The following PRPF4 variants were observed in gnomAD, a reference collection of about 807,000 sequenced individuals.
PRPF4 encodes U4/U6 small nuclear ribonucleoprotein Prp4.
A neutral mutation model predicts 72.2 loss-of-function variants in PRPF4; 14 were observed. The observed-to-expected ratio is 0.19, with a 90% confidence interval of 0.13 to 0.30. The LOEUF (loss-of-function observed/expected upper bound fraction) is 0.30, where lower values mean the gene tolerates loss of function less well. Ranked by LOEUF, PRPF4 falls within the 10% of genes least tolerant of loss-of-function variation. The pLI is 1.00. For synonymous variants in PRPF4, 225 were observed against 232.2 expected, an observed-to-expected ratio of 0.97 and a Z score of 0.28; for missense variants, 478 against 653.9, an observed-to-expected ratio of 0.73 and a Z score of 2.93.
At chr9:113,291,374 TA>T in intron 13 of PRPF4, 92 bp from the exon 14 acceptor site, 1 of 1,336,096 alleles carries the variant, frequency 7.5e-7, no homozygotes, top group Non-Finnish European at 1.0e-6. Context: ...CAAGTTTTTT[TA>T]AAAATAGTAT....
At chr9:113,281,818 A>C (rs936624700) in intron 3 of PRPF4, among the ~76,000 whole-genome samples, 2 of 152,112 alleles carry the variant, frequency 1.3e-5, no homozygotes, top group African/African-American at 4.8e-5. Context: ...AAGCTTAGTT[A>C]GATGCCCGTT....
chr9:113,277,735 C>T (rs1454972641), intron 2 of PRPF4, among the ~76,000 whole-genome samples: 1 of 151,962 alleles, frequency 6.6e-6, no homozygotes, highest in African/African-American at 2.4e-5. Context: ...CCTGGTGGCT[C>T]ACACCTGTAA....
In PRPF4 at chr9:113,276,730, G is replaced by T; in HGVS notation, c.205+5G>T. The T allele has an allele frequency of 6.2e-7, 1 of 1,600,818 alleles. No individual in the cohort carries two copies. Among genetic ancestry groups the T allele is most frequent in the Non-Finnish European group, 8.5e-7 (1 of 1,173,046 alleles). On this transcript the variant is annotated splice_donor_5th_base_variant and intron_variant, in intron 2 of 13. Coordinates refer to ENST00000374198, the MANE Select transcript of PRPF4 (RefSeq NM_001244926.2). ...GAAATATTAATATAACCTCTGGTAA[G>T]ATGCAAATTGTGAGCCCATCTTTAC...
chr9:113,277,247 T>C (rs1195927250), intron 2 of PRPF4, among the ~76,000 whole-genome samples: 2 of 152,220 alleles, frequency 1.3e-5, no homozygotes, highest in Non-Finnish European at 2.9e-5. Flanking sequence ...AAAAATTCAG[T>C]GTACATTTGG....
chr9:113,284,577 C>A (rs985939565), intron 7 of PRPF4, among the ~76,000 whole-genome samples, 188 bp downstream of exon 7: 1 of 152,196 alleles, frequency 6.6e-6, no homozygotes, highest in African/African-American at 2.4e-5. Flanking sequence ...TAGCCGTTCT[C>A]GCTCTTCACC....
Position 113,283,512 on chromosome 9 carries a change from C to G in PRPF4, c.654+30C>G. ...GATGCTCCCAGCAATTGTCCCACATCTTAAAGGTTCTTCATGTTTATTTGA... is the reference window on the plus strand; with the variant it reads ...GATGCTCCCAGCAATTGTCCCACATGTTAAAGGTTCTTCATGTTTATTTGA... On this transcript the variant is annotated intron_variant, in intron 6 of 13. Coordinates refer to ENST00000374198, the MANE Select transcript of PRPF4 (RefSeq NM_001244926.2). 4 of 1,608,186 alleles carry G rather than the reference C, an allele frequency of 2.5e-6. No individual in the cohort carries two copies. The African/African-American group carries it at 4.0e-5, about 16-fold the overall frequency.
chr9:113,288,746 T>C (rs1246006521), intron 10 of PRPF4, among the ~76,000 whole-genome samples: 1 of 152,206 alleles, frequency 6.6e-6, no homozygotes, highest in Non-Finnish European at 1.5e-5. Context: ...CATATTTGCC[T>C]TTAAATTACA....
chr9:113,289,208 G>C (rs1425646122), intron 10 of PRPF4, among the ~76,000 whole-genome samples: 1 of 152,094 alleles, frequency 6.6e-6, no homozygotes, highest in Non-Finnish European at 1.5e-5. Flanking sequence ...TTATTGCTGG[G>C]GGTTATTCAT....
At chr9:113,289,128 G>C (rs1348679722) in intron 10 of PRPF4, among the ~76,000 whole-genome samples, 1 of 152,192 alleles carries the variant, frequency 6.6e-6, no homozygotes, top group Admixed American at 6.5e-5. Flanking sequence ...GAATTCATTT[G>C]TGGCAGGCTT....
At chr9:113,276,413 A>T in intron 1 of PRPF4, 135 bp from the exon 2 acceptor site, 1 of 913,982 alleles carries the variant, frequency 1.1e-6, no homozygotes, top group Non-Finnish European at 1.7e-6. Flanking sequence ...AGAGCGTCTT[A>T]AGTAGTGTCC....
chr9:113,286,826 C>A lies in PRPF4; in HGVS notation c.930C>A (p.Asp310Glu), dbSNP rs561639600. Reference sequence around the variant, plus strand: ...GCTCTGTGAAGCTTTGGAGTCTCGACAGGTGAATATCACTGTTCTGTGGCC... The same window carrying A: ...GCTCTGTGAAGCTTTGGAGTCTCGAAAGGTGAATATCACTGTTCTGTGGCC... ...ADGSVKLWSLDSDEPVADIEG... is the reference protein window; with the variant it reads ...ADGSVKLWSLESDEPVADIEG... Residue 310 changes from aspartate (D) to glutamate (E), a missense_variant and splice_region_variant, in exon 9 of 14, where the codon GAC becomes GAA. Asp to Glu is a conservative substitution (Grantham distance 45, BLOSUM62 2). Coordinates refer to ENST00000374198, the MANE Select transcript of PRPF4 (RefSeq NM_001244926.2). The A allele has an allele frequency of 5.0e-6, 8 of 1,614,028 alleles. No individual in the cohort carries two copies. In the African/African-American group the frequency reaches 5.3e-5, roughly 11 times the overall value.
intron 3 of PRPF4, among the ~76,000 whole-genome samples, chr9:113,281,374 A>G (rs78022238): frequency 0.067 from 10,258 of 152,158 alleles, 678 homozygotes; most frequent in East Asian, 0.31. Context: ...ATTCATTATT[A>G]TGTTCCTTAA....
Position 113,290,788 on chromosome 9 carries a change from A to G in PRPF4, c.1234A>G (p.Ile412Val). 6.2e-7 allele frequency: 1 copy of G among 1,614,232 alleles called. No homozygotes were observed. Among genetic ancestry groups the G allele is most frequent in the Non-Finnish European group, 8.5e-7 (1 of 1,180,028 alleles). ...AGGCCACCTGAAAGAAATCTATGGA[A>G]TAAATTTCTCCCCCAATGGGTAAAA... ...LEGHLKEIYG[I>V]NFSPNGYHIA... The change falls in exon 12 of 14, where the codon ATA becomes GTA. Residue 412 changes from isoleucine (I) to valine (V), a missense_variant. Ile to Val is a conservative substitution (Grantham distance 29, BLOSUM62 3). Transcript: ENST00000374198.
intron 6 of PRPF4, 94 bp from the exon 7 acceptor site, chr9:113,284,200 AG>A (rs1832366660): frequency 1.1e-6 from 1 of 936,284 alleles, no homozygotes; most frequent in African/African-American, 1.7e-5. Flanking sequence ...AAAACTGAAA[AG>A]CTGCTTTGTT....
chr9:113,283,043 C>T (rs531609710), intron 4 of PRPF4, 89 bp from the exon 5 acceptor site: 2 of 1,590,364 alleles, frequency 1.3e-6, no homozygotes, highest in South Asian at 1.1e-5. Flanking sequence ...ATTCACCTTC[C>T]TTCTGGGCAG....
chr9:113,289,389 C>G (rs1832542926), intron 10 of PRPF4, among the ~76,000 whole-genome samples: 1 of 152,302 alleles, frequency 6.6e-6, no homozygotes, highest in Non-Finnish European at 1.5e-5. Flanking sequence ...GTATATTTAA[C>G]TTTTTCTAAA....
intron 9 of PRPF4, 33 bp downstream of exon 9, chr9:113,286,861 A>G (rs753068538): frequency 3.1e-6 from 5 of 1,613,750 alleles, no homozygotes; most frequent in Non-Finnish European, 4.2e-6. Flanking sequence ...CCATACTGCC[A>G]TCACTAAAGT....
intron 10 of PRPF4, 76 bp downstream of exon 10, chr9:113,288,340 A>G (rs1481823557): frequency 2.2e-6 from 3 of 1,354,600 alleles, no homozygotes; most frequent in East Asian, 2.4e-5. Flanking sequence ...TCTGCCAGGT[A>G]AATTTTTAGA....
chr9:113,282,423 G>A (rs562222913), intron 3 of PRPF4, among the ~76,000 whole-genome samples: 42 of 151,916 alleles, frequency 2.8e-4, no homozygotes, highest in African/African-American at 9.9e-4. Flanking sequence ...AGTGACCCAT[G>A]ATCATGCCAC....
Sources: gnomAD v4.1 joint callset for allele counts (sites outside exome capture counted in the v4.1 genomes callset) on GRCh38, gnomAD v4.1.1 for gene constraint, MANE v1.5 for transcripts, NCBI Gene and HGNC (gene_info 2026-07-23, HGNC 2026-07-21) for gene names.